BTD: variants seen among roughly 807,000 people sequenced by gnomAD.
BTD encodes biotinidase, also known as biocytinase.
Under a neutral mutation model 17.7 loss-of-function variants are expected in BTD, and 13 were observed. That is an observed-to-expected ratio of 0.74 (90% CI 0.48 to 1.17). The LOEUF is 1.17. Ranked by LOEUF, BTD falls within the 50% of genes most tolerant of loss-of-function variation. The pLI, the probability that BTD is intolerant of heterozygous loss-of-function variation, is 0.00. For synonymous variants in BTD, 240 were observed against 245.2 expected (o/e 0.98, Z 0.20); for missense variants, 674 against 650.4 (o/e 1.04, Z -0.39).
chr3:15,624,352 T>G (rs1354363817), intron 1 of BTD, among the ~76,000 whole-genome samples: 1 of 152,170 alleles, frequency 6.6e-6, no homozygotes, highest in East Asian at 1.9e-4. Flanking sequence ...ATTCCCATTG[T>G]ACATATTTAT....
chr3:15,687,104 G>A (rs180855948), intron 3 of BTD, among the ~76,000 whole-genome samples: 199 of 151,624 alleles, frequency 1.3e-3, no homozygotes, highest in African/African-American at 2.2e-3. Context: ...CACCACACCC[G>A]GCGATTTTTT....
chr3:15,663,021 G>A (rs953651757), intron 3 of BTD, among the ~76,000 whole-genome samples: 3 of 151,498 alleles, frequency 2.0e-5, no homozygotes, highest in African/African-American at 7.3e-5. Flanking sequence ...TTTTGAGACG[G>A]AGTTTCGCTC....
Position 15,635,935 on chromosome 3 carries a change from C to A in BTD, c.249+247C>A, listed in dbSNP as rs1040878319. 5.9e-5 allele frequency among the ~76,000 whole-genome samples: 9 copies of A among 152,182 alleles called. No individual in the cohort carries two copies. The highest frequency in any genetic ancestry group is 2.2e-4 in the African/African-American group (9 of 41,438). ...GGGCGGCACCCCAGACCTACTGAAT[C>A]AGAATGTGCATTGCAGCAGGATCCC... On this transcript the variant is annotated intron_variant, in intron 2 of 3. Transcript: ENST00000643237. This position sits in a 1 kb window ranked among gnomAD's most constrained non-coding sequence, Gnocchi z 4.1.
intron 2 of BTD, among the ~76,000 whole-genome samples, chr3:15,636,090 T>TGTA (rs1267051070): frequency 6.6e-6 from 1 of 152,100 alleles, no homozygotes; most frequent in African/African-American, 2.4e-5. Flanking sequence ...GAGAGTCCGT[T>TGTA]GTAATTGGTG....
chr3:15,609,194 A>G (rs536995751), intron 1 of BTD, among the ~76,000 whole-genome samples: 3 of 152,290 alleles, frequency 2.0e-5, no homozygotes, highest in African/African-American at 7.2e-5. Flanking sequence ...CATTTATGAC[A>G]TCTTTCAGAC....
At chr3:15,608,318 G>GT (rs981982986) in intron 1 of BTD, among the ~76,000 whole-genome samples, 17 of 152,114 alleles carry the variant, frequency 1.1e-4, no homozygotes, top group African/African-American at 3.1e-4. Context: ...GGGTTTTTTT[G>GT]TTTTTTGTGT....
rs2065774719 is a variant in BTD at position 15,649,896 on chromosome 3, C to T, written c.*4408C>T. Reference sequence around the variant, plus strand: ...GAGTGACAGCTCTGTGCTGGATGCACATAAATGGTCTCCCTTAACTGCCAT... The same window carrying T: ...GAGTGACAGCTCTGTGCTGGATGCATATAAATGGTCTCCCTTAACTGCCAT... On this transcript the variant is annotated 3_prime_UTR_variant, in exon 4 of 4. Coordinates refer to ENST00000643237, the MANE Select transcript of BTD (RefSeq NM_001370658.1). 1.3e-5 allele frequency among the ~76,000 whole-genome samples: 2 copies of T among 152,232 alleles called. No individual in the cohort carries two copies. Among genetic ancestry groups the T allele is most frequent in the African/African-American group, 2.4e-5 (1 of 41,450 alleles).
rs747330282 is a variant in BTD, at chr3:15,722,284, C to T, written c.*435C>T. 2.0e-5 allele frequency among the ~76,000 whole-genome samples: 3 copies of T among 152,058 alleles called. No homozygotes were observed. The East Asian group carries it at 5.8e-4, about 29-fold the overall frequency. ...ACCAATCAAGCCATATAATGGAGCC[C>T]CAATAAAAACCGAAAATGAAGCTCA... On this transcript the variant is annotated 3_prime_UTR_variant, in exon 5 of 5. Coordinates refer to the BTD transcript ENST00000672427.
chr3:15,712,512 C>T (rs1212463070), exon 4 of BTD, among the ~76,000 whole-genome samples: 2 of 152,158 alleles, frequency 1.3e-5, no homozygotes, highest in South Asian at 2.1e-4. Context: ...CAGCAGCATC[C>T]CTGGGCTCTA....
In BTD at chr3:15,683,975, C is replaced by G. The variant is rs1250210143; in HGVS notation, c.400-26085C>G. On this transcript the variant is annotated intron_variant, in intron 3 of 3. Transcript: ENST00000672141. ...TATATAAAGAGACAACTTATATTTT[C>G]TCTGCATTTTGAGGGAAGGTTATTA... is the stretch of plus-strand genomic sequence containing the variant. The G allele has an allele frequency of 2.6e-5, 4 of 152,262 alleles. No individual in the cohort carries two copies. In the East Asian group the frequency reaches 7.7e-4, roughly 29 times the overall value. The allele number at this position is 152,262 out of a possible 1,614,324, so 9.4% of individuals were successfully genotyped here. A position where few individuals can be genotyped will look rare whatever the true frequency, so the allele number is the denominator to read the frequency against.
intron 3 of BTD, among the ~76,000 whole-genome samples, chr3:15,687,437 C>T (rs1388988894): frequency 6.6e-6 from 1 of 151,816 alleles, no homozygotes. Context: ...AGAAGTAGTC[C>T]AAAGAAAAGA....
At position 15,635,480 on chromosome 3, in the gene BTD, G is replaced by T; in HGVS notation, c.41G>T (p.Gly14Val). ...ARSKLALFLCGCYVVALGAHT... is the reference protein window; with the variant it reads ...ARSKLALFLCVCYVVALGAHT... ...AGTAAGCTTGCTCTTTTCCTCTGCGGCTGTTACGTGGTTGCCCTGGGAGCC... is the reference window on the plus strand; with the variant it reads ...AGTAAGCTTGCTCTTTTCCTCTGCGTCTGTTACGTGGTTGCCCTGGGAGCC... The change falls in exon 2 of 4, where the codon GGC becomes GTC. Residue 14 changes from glycine (G) to valine (V), a missense_variant. Coordinates refer to ENST00000643237, the MANE Select transcript of BTD (RefSeq NM_001370658.1). The surrounding 1 kb of genome is among the most constrained non-coding windows in gnomAD (Gnocchi z 4.1). 5.0e-6 allele frequency: 8 copies of T among 1,613,396 alleles called. No individual in the cohort carries two copies. The highest frequency in any genetic ancestry group is 2.2e-5 in the East Asian group (1 of 44,880).
downstream of BTD, among the ~76,000 whole-genome samples, chr3:15,714,809 A>C (rs946927610): frequency 2.0e-5 from 3 of 152,216 alleles, no homozygotes; most frequent in African/African-American, 7.2e-5. Flanking sequence ...CAGCTGTTTA[A>C]AATTAGGAAT....
At chr3:15,678,292 T>G (rs1486893830) in intron 3 of BTD, 1 of 1,613,248 alleles carries the variant, frequency 6.2e-7, no homozygotes, top group South Asian at 1.1e-5. Flanking sequence ...TTGAGCATTA[T>G]GGCTGAGCAG....
intron 1 of BTD, among the ~76,000 whole-genome samples, chr3:15,621,527 G>C (rs983600035): frequency 1.3e-5 from 2 of 151,874 alleles, no homozygotes; most frequent in Non-Finnish European, 2.9e-5. Flanking sequence ...ATACATATAG[G>C]CCTCTTCAGA....
chr3:15,714,678 T>C (rs748793612), downstream of BTD: 1 of 1,527,912 alleles, frequency 6.5e-7, no homozygotes, highest in Non-Finnish European at 8.9e-7. Context: ...AGAAAAAAAT[T>C]ACTCACTCTA....
In BTD at chr3:15,644,440, A is replaced by G. The variant is rs397514371; in HGVS notation, c.524A>G (p.Asn175Ser). 1.2e-6 allele frequency: 2 copies of G among 1,614,172 alleles called. No individual in the cohort carries two copies. The highest frequency in any genetic ancestry group is 1.7e-6 in the Non-Finnish European group (2 of 1,180,038). Residue 175 changes from asparagine (N) to serine (S), a missense_variant, in exon 4 of 4, where the codon AAC (asparagine) becomes AGC (serine). Asn to Ser is a conservative substitution (Grantham distance 46). Coordinates refer to ENST00000643237, the MANE Select transcript of BTD (RefSeq NM_001370658.1). Reference protein sequence around the residue: ...RCPKDGRYQFNTNVVFSNNGT... With the variant: ...RCPKDGRYQFSTNVVFSNNGT... ...CCAAAAGATGGGAGATACCAGTTCA[A>G]CACAAATGTCGTGTTCAGCAATAAT...
At chr3:15,660,495 T>C (rs950415262) in intron 3 of BTD, among the ~76,000 whole-genome samples, 5 of 152,212 alleles carry the variant, frequency 3.3e-5, no homozygotes, top group African/African-American at 1.2e-4. Context: ...AGCCTACATA[T>C]CCAATGTCTT....
At chr3:15,612,234 T>C (rs913298128) in intron 1 of BTD, among the ~76,000 whole-genome samples, 3 of 152,188 alleles carry the variant, frequency 2.0e-5, no homozygotes, top group Admixed American at 1.3e-4. Flanking sequence ...TGCCAGTTTT[T>C]CCATTCACCT....
Sources: allele counts gnomAD v4.1 joint callset (sites outside exome capture counted in the v4.1 genomes callset), GRCh38; gene constraint gnomAD v4.1.1; non-coding constraint Gnocchi (gnomAD v3.1); transcripts MANE v1.5; gene names NCBI Gene and HGNC (gene_info 2026-07-23, HGNC 2026-07-21).